TRIM62: variants seen among roughly 807,000 people sequenced by gnomAD.
The protein encoded by TRIM62 is tripartite motif containing 62, also known as E3 ubiquitin-protein ligase TRIM62.
A neutral mutation model predicts 44.2 loss-of-function variants in TRIM62; 39 were observed. That is an observed-to-expected ratio of 0.88 (90% CI 0.68 to 1.15). The LOEUF (loss-of-function observed/expected upper bound fraction) is 1.15, where lower values mean the gene tolerates loss of function less well. Among genes scored for constraint, TRIM62 ranks in the 50% most tolerant of loss-of-function variants. The pLI is 0.00. For missense variants in TRIM62, 544 were observed against 665.5 expected (o/e 0.82, Z 2.01); for synonymous variants, 278 against 292.3 (o/e 0.95, Z 0.50).
chr1:33,158,177 T>C, intron 4 of TRIM62, 76 bp downstream of exon 4: 1 of 1,353,122 alleles, frequency 7.4e-7, no homozygotes. Context: ...TGCCCCATGC[T>C]GTGTTTAGGA....
rs971512120 is a variant in TRIM62 at position 33,145,557 on chromosome 1, G to A, written c.*1620C>T. 5.8e-5 allele frequency: 10 copies of A among 171,664 alleles called. No individual in the cohort carries two copies. Among genetic ancestry groups the A allele is most frequent in the Non-Finnish European group, 1.1e-4 (9 of 79,606 alleles). 10.6% of individuals were successfully genotyped at this position (171,664 alleles called of 1,614,324 possible). ...TTTGCCCAAGGGAGGCCCGGGTGGC[G>A]GGGGCAGCCATTTTAAGAACCCCCT... is the stretch of plus-strand genomic sequence containing the variant. On this transcript the variant is annotated 3_prime_UTR_variant, in exon 5 of 5. Coordinates refer to ENST00000291416, the MANE Select transcript of TRIM62 (RefSeq NM_018207.3).
intron 4 of TRIM62, among the ~76,000 whole-genome samples, chr1:33,152,250 T>G (rs1355967396): frequency 6.6e-6 from 1 of 152,148 alleles, no homozygotes; most frequent in African/African-American, 2.4e-5. Context: ...TCCCAGCATG[T>G]GGCCCCAGAA....
chr1:33,164,085 A>G (rs1645305155), intron 2 of TRIM62: 1 of 152,292 alleles, frequency 6.6e-6, no homozygotes, highest in Non-Finnish European at 1.5e-5. Flanking sequence ...GAGGTACAGA[A>G]TCACCAGACA....
In TRIM62 at chr1:33,159,849, C is replaced by A. The variant is rs1390141373; in HGVS notation, c.600G>T (p.Leu200=). ...RERQKAMLEE[L]EADTARTLTD... ...TCAGCGTGCGGGCCGTGTCCGCCTC[C>A]AGCTCCTCTAGCATGGCCTTCTGGC... Residue 200 remains leucine, a synonymous_variant, in exon 3 of 5, where the codon CTG becomes CTT. Coordinates refer to ENST00000291416, the MANE Select transcript of TRIM62 (RefSeq NM_018207.3). This position sits in a 1 kb window ranked among gnomAD's most constrained non-coding sequence, Gnocchi z 4.2. 1 of 1,613,414 alleles carries A rather than the reference C, an allele frequency of 6.2e-7. No individual in the cohort carries two copies. The highest frequency in any genetic ancestry group is 1.3e-5 in the African/African-American group (1 of 74,940).
intron 4 of TRIM62, among the ~76,000 whole-genome samples, chr1:33,156,141 G>C (rs1322431594): frequency 6.6e-6 from 1 of 152,188 alleles, no homozygotes; most frequent in Non-Finnish European, 1.5e-5. Flanking sequence ...CTGCAGTCAA[G>C]ACTGTCACTC....
In TRIM62 at chr1:33,147,759, G is replaced by A. The variant is rs11808163; in HGVS notation, c.878-32C>T. The A allele has an allele frequency of 1.2e-5, 19 of 1,592,200 alleles. 1 individual carries two copies. In the South Asian group the frequency reaches 2.2e-4, roughly 18 times the overall value. On this transcript the variant is annotated intron_variant, in intron 4 of 4. Coordinates refer to ENST00000291416, the MANE Select transcript of TRIM62 (RefSeq NM_018207.3). This position sits in a 1 kb window ranked among gnomAD's most constrained non-coding sequence, Gnocchi z 8.1. Reference sequence around the variant, plus strand: ...GGGTTGGAGGAGGGAGAGAAGATGAGTGGGGAGAAGGCTGTGGACCCACCA... The same window carrying A: ...GGGTTGGAGGAGGGAGAGAAGATGAATGGGGAGAAGGCTGTGGACCCACCA...
At chr1:33,176,210 T>C (rs969701267) in intron 1 of TRIM62, among the ~76,000 whole-genome samples, 4 of 152,212 alleles carry the variant, frequency 2.6e-5, no homozygotes, top group Non-Finnish European at 4.4e-5. Flanking sequence ...TCTCATTTCT[T>C]TGGATATTTA....
chr1:33,146,772 C>CCTCTT lies in TRIM62; in HGVS notation c.*404_*405insAAGAG. The CCTCTT allele has an allele frequency of 3.9e-6, 1 of 257,862 alleles. No individual in the cohort carries two copies. Among genetic ancestry groups the CCTCTT allele is most frequent in the South Asian group, 5.1e-5 (1 of 19,714 alleles). The allele number at this position is 257,862 out of a possible 1,614,324, so 16.0% of individuals were successfully genotyped here. On this transcript the variant is annotated 3_prime_UTR_variant, in exon 5 of 5. Transcript: ENST00000291416. The stretch of plus-strand genomic sequence containing the variant: ...CAGGGGTAAGTCTTAGGCCATGGGA[C>CCTCTT]ATAAGAGGGTGCTGTGTGTCTTTCG...
chr1:33,160,013 A>T (rs1210452038), intron 2 of TRIM62, 69 bp from the exon 3 acceptor site: 1 of 1,562,170 alleles, frequency 6.4e-7, no homozygotes, highest in South Asian at 1.1e-5. Context: ...TGAGAGGAGG[A>T]AATCGAGAGC....
In TRIM62 at chr1:33,154,856, G is replaced by A. The variant is rs190899493; in HGVS notation, c.877+3397C>T. 2.2e-3 allele frequency among the ~76,000 whole-genome samples: 327 copies of A among 151,504 alleles called. 3 individuals carry two copies. Among genetic ancestry groups the A allele is most frequent in the African/African-American group, 7.6e-3 (314 of 41,334 alleles). On this transcript the variant is annotated intron_variant, in intron 4 of 4. Transcript: ENST00000291416. ...CGCCTGTAATCCCAGCACTTTGGGA[G>A]GCCAAGACGGGCAGAACATGAGGTC...
rs373180795 is a variant in TRIM62, at chr1:33,180,051, T to C, written c.408+974A>G. Among the ~76,000 whole-genome samples the C allele has an allele frequency of 5.7e-3, 365 of 63,928 alleles. 1 individual carries two copies. The highest frequency in any genetic ancestry group is 0.024 in the African/African-American group (301 of 12,420). 41.9% of individuals were successfully genotyped at this position (63,928 alleles called of 152,430 possible). A position where few individuals can be genotyped will look rare whatever the true frequency, so the allele number is the denominator to read the frequency against. On this transcript the variant is annotated intron_variant, in intron 1 of 4. Coordinates refer to ENST00000291416, the MANE Select transcript of TRIM62 (RefSeq NM_018207.3). The stretch of plus-strand genomic sequence containing the variant: ...GGAGAAGGCTTCACGGAGAGGATAT[T>C]TGAGCAAGGCTCAATAAAAGTTGAG...
At position 33,159,672 on chromosome 1, in the gene TRIM62, G is replaced by A. The variant is rs539741260; in HGVS notation, c.761+16C>T. 24 of 1,593,728 alleles carry A rather than the reference G, an allele frequency of 1.5e-5. No individual in the cohort carries two copies. The highest frequency in any genetic ancestry group is 1.2e-4 in the African/African-American group (9 of 74,830). On this transcript the variant is annotated intron_variant, in intron 3 of 4. Coordinates refer to ENST00000291416, the MANE Select transcript of TRIM62 (RefSeq NM_018207.3). This position sits in a 1 kb window ranked among gnomAD's most constrained non-coding sequence, Gnocchi z 4.2. ...GGGATGGTCAGCCGGGGAGGGCCCC[G>A]GCGGGTGGCACTTACCGCTCGGACA...
At position 33,147,475 on chromosome 1, in the gene TRIM62, C is replaced by G; in HGVS notation, c.1130G>C (p.Ser377Thr). The change falls in exon 5 of 5, where the codon AGC (serine) becomes ACC (threonine). Residue 377 changes from serine to threonine, a missense_variant. Physicochemically the swap from Ser to Thr is moderately conservative, Grantham distance 58 (BLOSUM62 1). Coordinates refer to ENST00000291416, the MANE Select transcript of TRIM62 (RefSeq NM_018207.3). This position sits in a 1 kb window ranked among gnomAD's most constrained non-coding sequence, Gnocchi z 8.1. ...GCCGCGGCTGGGCTGGATCTGGATG[C>G]TGCCCTTGCGGCTTGCGGCTTCGTG... ...LAHEAASRKG[S>T]IQIQPSRGFY... 1 of 1,613,934 alleles carries G rather than the reference C, an allele frequency of 6.2e-7. No homozygotes were observed. Among genetic ancestry groups the G allele is most frequent in the Non-Finnish European group, 8.5e-7 (1 of 1,180,002 alleles).
intron 2 of TRIM62, 63 bp from the exon 3 acceptor site, chr1:33,160,007 A>G: frequency 6.4e-7 from 1 of 1,569,352 alleles, no homozygotes; most frequent in South Asian, 1.1e-5. Context: ...TCTGGGTGAG[A>G]GGAGGAAATC....
chr1:33,154,315 TG>T (rs1645143329), intron 4 of TRIM62, among the ~76,000 whole-genome samples: 1 of 152,088 alleles, frequency 6.6e-6, no homozygotes. Context: ...GCAGGGAGCC[TG>T]GGGAGCCTTC....
In TRIM62 at chr1:33,167,467, G is replaced by A. The variant is rs1340100707; in HGVS notation, c.409-1901C>T. Among the ~76,000 whole-genome samples, 2 of 152,166 alleles carry A rather than the reference G, an allele frequency of 1.3e-5. No homozygotes were observed. Among genetic ancestry groups the A allele is most frequent in the Non-Finnish European group, 2.9e-5 (2 of 68,040 alleles). On this transcript the variant is annotated intron_variant, in intron 1 of 4. Coordinates refer to ENST00000291416, the MANE Select transcript of TRIM62 (RefSeq NM_018207.3). The surrounding 1 kb of genome is among the most constrained non-coding windows in gnomAD (Gnocchi z 4.2). ...GCAGGCATTGGGAATCTAGCCCATT[G>A]TATTATCGCCAGTTGTTCTCCTGTC...
At chr1:33,180,780 C>G (rs1448712973) in intron 1 of TRIM62, among the ~76,000 whole-genome samples, 1 of 151,884 alleles carries the variant, frequency 6.6e-6, no homozygotes, top group African/African-American at 2.4e-5. Flanking sequence ...GCCGGTACTC[C>G]AGGTCTGTCT....
intron 1 of TRIM62, chr1:33,176,478 A>G (rs1453527007): frequency 4.3e-6 from 3 of 692,458 alleles, no homozygotes; most frequent in African/African-American, 3.5e-5. Flanking sequence ...AAGGGCTCCA[A>G]TGGTCACATG....
In TRIM62 at chr1:33,165,464, G is replaced by A. The variant is rs1645318969; in HGVS notation, c.504+7C>T. On this transcript the variant is annotated splice_region_variant and intron_variant, in intron 2 of 4. Transcript: ENST00000291416. This position sits in a 1 kb window ranked among gnomAD's most constrained non-coding sequence, Gnocchi z 4.0. ...CGGCCCCACCTCCGCGCCCCGGCCA[G>A]GCTCACCTTGGTCTCCGCCAGTTGT... 1.3e-6 allele frequency: 2 copies of A among 1,591,966 alleles called. No individual in the cohort carries two copies. The highest frequency in any genetic ancestry group is 3.4e-5 in the Admixed American group (2 of 58,030).
Sources: allele counts gnomAD v4.1 joint callset (sites outside exome capture counted in the v4.1 genomes callset), GRCh38; gene constraint gnomAD v4.1.1; non-coding constraint Gnocchi (gnomAD v3.1); transcripts MANE v1.5; gene names NCBI Gene and HGNC (gene_info 2026-07-23, HGNC 2026-07-21).